CSMD1: variants seen among roughly 807,000 people sequenced by gnomAD.
CSMD1 encodes the protein CUB and Sushi multiple domains 1, also known as CUB and sushi domain-containing protein 1.
CSMD1 carries 213 observed loss-of-function variants against 417.5 expected under a neutral mutation model. The observed-to-expected ratio is 0.51, with a 90% CI of 0.46 to 0.57. The LOEUF is 0.57. CSMD1 is among the 20% of genes least tolerant of loss of function. The probability of loss-of-function intolerance (pLI) is 0.00; values close to 1 mark genes in which losing one functional copy is unlikely to be tolerated. For synonymous variants in CSMD1, 2,862 were observed against 1,736.8 expected, an observed-to-expected ratio of 1.65 and a Z score of -16.11; for missense variants, 6,923 against 4,529.7, an observed-to-expected ratio of 1.53 and a Z score of -15.17.
chr8:4,062,914 G>GT (rs1799053281), intron 3 of CSMD1, among the ~76,000 whole-genome samples: 1 of 79,098 alleles, frequency 1.3e-5, no homozygotes, highest in African/African-American at 4.8e-5. Context: ...ACTGATCATT[G>GT]CAAAAAAAAA....
chr8:4,323,266 G>C (rs1350943767), intron 3 of CSMD1, among the ~76,000 whole-genome samples: 2 of 152,148 alleles, frequency 1.3e-5, no homozygotes, highest in South Asian at 2.1e-4. Context: ...TTAAACGGAA[G>C]TTCTGTAGCA....
chr8:4,080,763 A>T (rs1025356378), intron 3 of CSMD1, among the ~76,000 whole-genome samples: 5 of 152,196 alleles, frequency 3.3e-5, no homozygotes, highest in Non-Finnish European at 7.3e-5. Flanking sequence ...TAAGGTGAAT[A>T]AGACTGGGCT....
intron 3 of CSMD1, among the ~76,000 whole-genome samples, chr8:4,238,053 T>C (rs925948101): frequency 6.6e-6 from 1 of 152,142 alleles, no homozygotes; most frequent in Non-Finnish European, 1.5e-5. Context: ...TTAGTTTTTC[T>C]ACCCTAGGAG....
intron 41 of CSMD1, among the ~76,000 whole-genome samples, chr8:3,124,031 T>C (rs2129021980): frequency 6.6e-6 from 1 of 152,320 alleles, no homozygotes; most frequent in Admixed American, 6.5e-5. Context: ...TTTGAAGTTG[T>C]AATTAAAGAT....
intron 7 of CSMD1, among the ~76,000 whole-genome samples, chr8:3,675,111 G>A (rs1032599617): frequency 3.2e-4 from 48 of 152,110 alleles, no homozygotes; most frequent in African/African-American, 7.2e-4. Flanking sequence ...GAGATGCAGT[G>A]GCCTCCCCTC....
At chr8:3,300,382 T>C in intron 25 of CSMD1, among the ~76,000 whole-genome samples, 1 of 152,168 alleles carries the variant, frequency 6.6e-6, no homozygotes, top group South Asian at 2.1e-4. Flanking sequence ...TGCAGCACTT[T>C]ATTATTTTAA....
chr8:4,267,013 A>G (rs186352543), intron 3 of CSMD1, among the ~76,000 whole-genome samples: 1 of 104,560 alleles, frequency 9.6e-6, no homozygotes, highest in African/African-American at 2.6e-5. Flanking sequence ...TTTACAAAAC[A>G]AAAGCATAAA....
At chr8:3,536,070 A>T (rs564530294) in intron 10 of CSMD1, among the ~76,000 whole-genome samples, 1 of 152,172 alleles carries the variant, frequency 6.6e-6, no homozygotes, top group African/African-American at 2.4e-5. Flanking sequence ...GCCATACACA[A>T]GTAGAGATGT....
chr8:4,222,481 G>C (rs1157415950), intron 3 of CSMD1, among the ~76,000 whole-genome samples: 2 of 152,234 alleles, frequency 1.3e-5, no homozygotes, highest in East Asian at 1.9e-4. Flanking sequence ...TTCTCAGTAA[G>C]TCAGTCAATA....
At chr8:4,235,932 T>G (rs1011982061) in intron 3 of CSMD1, among the ~76,000 whole-genome samples, 2 of 152,056 alleles carry the variant, frequency 1.3e-5, no homozygotes, top group Non-Finnish European at 2.9e-5. Context: ...AAACCATTTG[T>G]GTTTACCGTG....
intron 5 of CSMD1, among the ~76,000 whole-genome samples, chr8:3,949,047 T>C (rs1028307524): frequency 3.3e-5 from 5 of 152,324 alleles, no homozygotes; most frequent in African/African-American, 1.2e-4. Flanking sequence ...ATGAGTGTGA[T>C]ATTACTGTTT....
intron 33 of CSMD1, among the ~76,000 whole-genome samples, chr8:3,193,371 G>A (rs928947962): frequency 3.9e-5 from 6 of 152,146 alleles, no homozygotes; most frequent in African/African-American, 1.4e-4. Flanking sequence ...TTTGGAAAGT[G>A]AGGACACCAA....
At chr8:3,972,602 T>A (rs1435524078) in intron 5 of CSMD1, among the ~76,000 whole-genome samples, 1 of 152,198 alleles carries the variant, frequency 6.6e-6, no homozygotes, top group Non-Finnish European at 1.5e-5. Flanking sequence ...GGCCTTTATT[T>A]TTAATGTACT....
At chr8:4,520,719 T>C (rs1803400351) in intron 2 of CSMD1, among the ~76,000 whole-genome samples, 1 of 152,218 alleles carries the variant, frequency 6.6e-6, no homozygotes, top group Admixed American at 6.5e-5. Context: ...TCCTGAACTT[T>C]TGTTCCAATT....
rs150040309 is a variant in CSMD1, at chr8:3,281,891, C to G, written c.4153+2253G>C. ...GTTTCTAATGGTTTAGTACCATCCC[C>G]CAGTGCTGTCTTCATGATAGAGTTC... On this transcript the variant is annotated intron_variant, in intron 26 of 69. Coordinates refer to ENST00000635120, the MANE Select transcript of CSMD1 (RefSeq NM_033225.6). 2.6e-3 allele frequency among the ~76,000 whole-genome samples: 391 copies of G among 152,204 alleles called. 1 individual carries two copies. The highest frequency in any genetic ancestry group is 9.0e-3 in the African/African-American group (375 of 41,526).
intron 3 of CSMD1, among the ~76,000 whole-genome samples, chr8:4,147,600 G>A (rs540974663): frequency 6.6e-6 from 1 of 152,016 alleles, no homozygotes; most frequent in Non-Finnish European, 1.5e-5. Flanking sequence ...AATAATATCG[G>A]TTCCCTAATG....
chr8:3,921,756 T>C (rs1809284573), intron 5 of CSMD1, among the ~76,000 whole-genome samples: 1 of 152,202 alleles, frequency 6.6e-6, no homozygotes, highest in East Asian at 1.9e-4. Flanking sequence ...TTACCAAATA[T>C]GAGTGCAATC....
At chr8:3,703,967 A>G (rs1489299760) in intron 7 of CSMD1, among the ~76,000 whole-genome samples, 2 of 152,174 alleles carry the variant, frequency 1.3e-5, no homozygotes, top group African/African-American at 4.8e-5. Context: ...GCTATTTGGG[A>G]GGCTGAGACA....
At chr8:3,210,648 C>T (rs1428758085) in intron 30 of CSMD1, among the ~76,000 whole-genome samples, 1 of 147,304 alleles carries the variant, frequency 6.8e-6, no homozygotes, top group African/African-American at 2.5e-5. Context: ...TGTATATACA[C>T]TTTATATATA....
Sources: allele counts gnomAD v4.1 joint callset (sites outside exome capture counted in the v4.1 genomes callset), GRCh38; gene constraint gnomAD v4.1.1; transcripts MANE v1.5; gene names NCBI Gene and HGNC (gene_info 2026-07-23, HGNC 2026-07-21).